Variants in OTUD7B observed in about 807,000 individuals in gnomAD.
OTUD7B encodes the protein OTU domain-containing protein 7B.
In OTUD7B, 34 loss-of-function variants were observed where a neutral mutation model predicts 82.2. The ratio of observed to expected loss-of-function variants is 0.41; its 90% CI spans 0.31 to 0.55. The LOEUF (loss-of-function observed/expected upper bound fraction) is 0.55, where lower values mean the gene tolerates loss of function less well. Among genes scored for constraint, OTUD7B ranks in the 20% least tolerant of loss-of-function variants. The pLI, the probability that OTUD7B is intolerant of heterozygous loss-of-function variation, is 0.20. For synonymous variants in OTUD7B, 398 were observed against 402.7 expected (o/e 0.99, Z 0.14); for missense variants, 944 against 1,062.1 (o/e 0.89, Z 1.55).
chr1:150,013,947 TACACACAC>T (rs1219362552), upstream of OTUD7B, among the ~76,000 whole-genome samples: 1 of 104,396 alleles, frequency 9.6e-6, no homozygotes, highest in South Asian at 3.2e-4. Flanking sequence ...AATATATATA[TACACACAC>T]ACACACACAC....
chr1:149,944,285 A>G lies in OTUD7B; in HGVS notation c.2104T>C (p.Ser702Pro). Residue 702 changes from serine (S) to proline (P), a missense_variant, in exon 12 of 12, where the codon TCT becomes CCT. Coordinates refer to ENST00000581312, the MANE Select transcript of OTUD7B (RefSeq NM_020205.4). ...TCCTGGCAGTGGACTCCGCCCCCAGACGGCCGAGGGATAGTAAAGTCCCCA... is the reference window on the plus strand; with the variant it reads ...TCCTGGCAGTGGACTCCGCCCCCAGGCGGCCGAGGGATAGTAAAGTCCCCA... ...YPGDFTIPRP[S>P]GGGVHCQEPR... The G allele has an allele frequency of 6.2e-7, 1 of 1,610,334 alleles. No homozygotes were observed. Among genetic ancestry groups the G allele is most frequent in the Non-Finnish European group, 8.5e-7 (1 of 1,177,782 alleles).
At chr1:150,038,537 C>T in the OTUD7B span, among the ~76,000 whole-genome samples, 2 of 151,960 alleles carry the variant, frequency 1.3e-5, no homozygotes, top group Non-Finnish European at 2.9e-5. Context: ...CAGGCACACA[C>T]CGCCACACCT....
At chr1:150,050,650 G>A in the OTUD7B span, 2 of 152,062 alleles carry the variant, frequency 1.3e-5, no homozygotes, top group African/African-American at 4.8e-5. Flanking sequence ...GCCATAAACA[G>A]GCTAAATCCA....
the OTUD7B span, among the ~76,000 whole-genome samples, chr1:150,021,915 AAAC>A: frequency 6.6e-6 from 1 of 152,200 alleles, no homozygotes; most frequent in Non-Finnish European, 1.5e-5. Context: ...CTTGCCACTG[AAAC>A]AACATCTAAT....
rs34962941 is a variant in OTUD7B at position 149,986,237 on chromosome 1, TCACACACA to T, written c.-66-8669_-66-8662del. Among the ~76,000 whole-genome samples, 8 of 136,594 alleles carry T rather than the reference TCACACACA, an allele frequency of 5.9e-5. No homozygotes were observed. The South Asian group carries it at 7.1e-4, about 12-fold the overall frequency. 89.6% of individuals were successfully genotyped at this position (136,594 alleles called of 152,430 possible). A position where few individuals can be genotyped will look rare whatever the true frequency, so the allele number is the denominator to read the frequency against. ...TGAAGTATATTTGTATGGTACCCCA[TCACACACA>T]CACACACACACACACACACACACAC... On this transcript the variant is annotated intron_variant, in intron 1 of 11. Coordinates refer to ENST00000581312, the MANE Select transcript of OTUD7B (RefSeq NM_020205.4).
rs1296913338 is a variant in OTUD7B, at chr1:149,938,483, A to AAAAACAG, written c.*5373_*5374insCTGTTTT. The AAAAACAG allele has an allele frequency of 3.6e-5, 3 of 82,914 alleles. 1 individual carries two copies. The highest frequency in any genetic ancestry group is 2.1e-5 in the Non-Finnish European group (1 of 47,568). The allele number at this position is 82,914 out of a possible 1,614,324, so 5.1% of individuals were successfully genotyped here. On this transcript the variant is annotated 3_prime_UTR_variant, in exon 12 of 12. Transcript: ENST00000581312. Reference sequence around the variant, plus strand: ...CGCAAAAAAAAAAAAAAAAAAAAAGACATAGGAAGAGGTGTGTACCATAAC... The same window carrying AAAAACAG: ...CGCAAAAAAAAAAAAAAAAAAAAAGAAAAACAGCATAGGAAGAGGTGTGTACCATAAC...
the OTUD7B span, among the ~76,000 whole-genome samples, chr1:150,036,762 ACCATTT>A: frequency 6.6e-6 from 1 of 152,218 alleles, no homozygotes; most frequent in Non-Finnish European, 1.5e-5. Flanking sequence ...ACACTTTAAG[ACCATTT>A]CCATATTGAT....
At chr1:150,016,914 A>ACTGT in the OTUD7B span, among the ~76,000 whole-genome samples, 1 of 152,054 alleles carries the variant, frequency 6.6e-6, no homozygotes, top group Non-Finnish European at 1.5e-5. Flanking sequence ...TTACCACCCA[A>ACTGT]CTGTCTCCCC....
At chr1:149,953,341 A>G (rs1263679043) in intron 7 of OTUD7B, among the ~76,000 whole-genome samples, 5 of 152,214 alleles carry the variant, frequency 3.3e-5, no homozygotes, top group Non-Finnish European at 7.3e-5. Flanking sequence ...CAGGTTTGTC[A>G]AAGATCAGAT....
At chr1:149,963,960 A>G (rs1283584658) in intron 6 of OTUD7B, 3 of 352,638 alleles carry the variant, frequency 8.5e-6, no homozygotes, top group Admixed American at 4.3e-5. Flanking sequence ...CACTGCCACT[A>G]AAAGCTATAA....
At chr1:150,023,532 C>T in the OTUD7B span, among the ~76,000 whole-genome samples, 1 of 152,090 alleles carries the variant, frequency 6.6e-6, no homozygotes, top group South Asian at 2.1e-4. Flanking sequence ...GAGTCAGGTA[C>T]AGAAAGACAG....
chr1:150,012,178 G>T (rs1045336900), upstream of OTUD7B, among the ~76,000 whole-genome samples: 1 of 152,174 alleles, frequency 6.6e-6, no homozygotes, highest in Non-Finnish European at 1.5e-5. Context: ...AGGAGAGCAG[G>T]ATGAGATTTG....
the OTUD7B span, among the ~76,000 whole-genome samples, chr1:150,027,232 G>A: frequency 6.6e-6 from 1 of 152,044 alleles, no homozygotes; most frequent in Non-Finnish European, 1.5e-5. Context: ...TAACTTCAAG[G>A]TCCTCATCTT....
intron 1 of OTUD7B, among the ~76,000 whole-genome samples, chr1:149,989,075 A>G (rs1651382462): frequency 6.6e-6 from 1 of 152,182 alleles, no homozygotes; most frequent in African/African-American, 2.4e-5. Context: ...TCAAATTACT[A>G]TACTGTCTAC....
At chr1:149,953,655 C>T (rs1225908032) in intron 7 of OTUD7B, among the ~76,000 whole-genome samples, 4 of 152,166 alleles carry the variant, frequency 2.6e-5, no homozygotes, top group Non-Finnish European at 4.4e-5. Context: ...GCCATTTTCA[C>T]GATACTGAGT....
chr1:149,992,760 C>G (rs1651681544), intron 1 of OTUD7B, among the ~76,000 whole-genome samples: 2 of 152,086 alleles, frequency 1.3e-5, no homozygotes, highest in South Asian at 4.1e-4. Context: ...GCGTGAGCCA[C>G]CGGGCTGGCC....
At chr1:150,056,185 G>A in the OTUD7B span, among the ~76,000 whole-genome samples, 1 of 152,048 alleles carries the variant, frequency 6.6e-6, no homozygotes, top group South Asian at 2.1e-4. Flanking sequence ...CATCTAAGAT[G>A]TTAAAAATAA....
intron 3 of OTUD7B, among the ~76,000 whole-genome samples, chr1:149,969,471 T>G (rs2101831093): frequency 6.6e-6 from 1 of 152,266 alleles, no homozygotes; most frequent in African/African-American, 2.4e-5. Flanking sequence ...TTTTTATGCA[T>G]ACAGAAGCAT....
chr1:150,021,856 A>C, the OTUD7B span, among the ~76,000 whole-genome samples: 4 of 152,248 alleles, frequency 2.6e-5, no homozygotes, highest in Non-Finnish European at 5.9e-5. Flanking sequence ...GAATGTTAAC[A>C]TTTAAAATTC....
Sources: gnomAD v4.1 joint callset for allele counts (sites outside exome capture counted in the v4.1 genomes callset) on GRCh38, gnomAD v4.1.1 for gene constraint, MANE v1.5 for transcripts, NCBI Gene and HGNC (gene_info 2026-07-23, HGNC 2026-07-21) for gene names.